The following CCDC102B variants were observed in gnomAD, a reference collection of about 807,000 sequenced individuals.
CCDC102B encodes the protein coiled-coil domain-containing protein 102B.
A neutral mutation model predicts 57.4 loss-of-function variants in CCDC102B; 75 were observed. The observed-to-expected ratio is 1.31, with a 90% CI of 1.08 to 1.58. The LOEUF (loss-of-function observed/expected upper bound fraction) is 1.58. Ranked by LOEUF, CCDC102B falls within the 40% of genes most tolerant of loss-of-function variation. The probability of loss-of-function intolerance (pLI) is 0.00; values close to 1 mark genes in which losing one functional copy is unlikely to be tolerated. For synonymous variants in CCDC102B, 206 were observed against 201.9 expected (o/e 1.02, Z -0.17); for missense variants, 636 against 582.6 (o/e 1.09, Z -0.94).
At chr18:68,977,309 A>G (rs2145279483) in intron 6 of CCDC102B, among the ~76,000 whole-genome samples, 1 of 152,136 alleles carries the variant, frequency 6.6e-6, no homozygotes, top group East Asian at 1.9e-4. Context: ...ATACAACTGC[A>G]GAACGTGCAG....
intron 6 of CCDC102B, among the ~76,000 whole-genome samples, chr18:68,954,872 T>G (rs990442554): frequency 2.6e-5 from 4 of 152,198 alleles, no homozygotes; most frequent in Admixed American, 1.3e-4. Flanking sequence ...CTTATGTACT[T>G]TTCAATATGA....
chr18:68,986,082 T>A (rs977137218), intron 6 of CCDC102B, among the ~76,000 whole-genome samples: 2 of 152,064 alleles, frequency 1.3e-5, no homozygotes, highest in Non-Finnish European at 2.9e-5. Flanking sequence ...CAAGAAAATT[T>A]AAAAAAACTG....
At chr18:69,047,562 TAAAACGCATCC>T (rs1482579554) in intron 7 of CCDC102B, among the ~76,000 whole-genome samples, 2 of 151,968 alleles carry the variant, frequency 1.3e-5, no homozygotes, top group African/African-American at 4.8e-5. Context: ...AAGAGAGAAA[TAAAACGCATCC>T]AAATTGGAAG....
intron 6 of CCDC102B, among the ~76,000 whole-genome samples, chr18:68,941,090 T>C (rs1391220323): frequency 1.3e-5 from 2 of 151,708 alleles, no homozygotes; most frequent in Non-Finnish European, 3.0e-5. Flanking sequence ...TTTATTTATT[T>C]TTTTTGCATA....
At chr18:68,928,754 T>TTTTAATTAAC (rs1439561862) in intron 6 of CCDC102B, among the ~76,000 whole-genome samples, 1 of 151,956 alleles carries the variant, frequency 6.6e-6, no homozygotes, top group African/African-American at 2.4e-5. Context: ...AGGGTAAATT[T>TTTTAATTAAC]TTTAATTAAC....
chr18:68,876,513 C>G (rs2039455779), intron 5 of CCDC102B, among the ~76,000 whole-genome samples: 1 of 152,280 alleles, frequency 6.6e-6, no homozygotes, highest in South Asian at 2.1e-4. Context: ...CCGGGGTCAT[C>G]ATAATTTAAT....
At chr18:68,996,044 A>G (rs1003821582) in intron 6 of CCDC102B, among the ~76,000 whole-genome samples, 7 of 152,186 alleles carry the variant, frequency 4.6e-5, no homozygotes, top group African/African-American at 1.7e-4. Context: ...GATGGTTAAT[A>G]TTGAGTGTCA....
chr18:68,911,751 C>CAAAAAAAAAAAAAAAAAA (rs74175338), intron 6 of CCDC102B, among the ~76,000 whole-genome samples: 5 of 18,008 alleles, frequency 2.8e-4, no homozygotes, highest in Non-Finnish European at 4.7e-4. Flanking sequence ...GACTCCGTCT[C>CAAAAAAAAAAAAAAAAAA]AAAAAAAAAA....
At chr18:68,820,769 G>C (rs547438095) in intron 1 of CCDC102B, among the ~76,000 whole-genome samples, 1 of 152,234 alleles carries the variant, frequency 6.6e-6, no homozygotes, top group South Asian at 2.1e-4. Context: ...CCCTGCAGAT[G>C]GAATGGTGAG....
At chr18:68,719,186 C>A (rs1020242220) in intron 2 of CCDC102B, among the ~76,000 whole-genome samples, 4 of 152,082 alleles carry the variant, frequency 2.6e-5, no homozygotes, top group Non-Finnish European at 4.4e-5. Context: ...AAAAATGAGA[C>A]CCTATTGATT....
chr18:68,861,324 A>G (rs1157758387), intron 4 of CCDC102B, among the ~76,000 whole-genome samples: 3 of 151,212 alleles, frequency 2.0e-5, no homozygotes, highest in Non-Finnish European at 4.4e-5. Context: ...ACTATGTATC[A>G]TATTTTTCTA....
At chr18:69,007,307 A>C (rs1041919770) in intron 6 of CCDC102B, among the ~76,000 whole-genome samples, 12 of 152,178 alleles carry the variant, frequency 7.9e-5, no homozygotes, top group African/African-American at 2.9e-4. Context: ...TTCTCACATA[A>C]CAAAAAATAC....
chr18:69,038,905 C>T (rs2052361402), intron 7 of CCDC102B, among the ~76,000 whole-genome samples: 1 of 151,974 alleles, frequency 6.6e-6, no homozygotes, highest in Admixed American at 6.6e-5. Flanking sequence ...AAATCTTAAA[C>T]ATTATCGAGT....
chr18:68,970,326 T>C (rs547259033), intron 6 of CCDC102B, among the ~76,000 whole-genome samples: 45 of 152,146 alleles, frequency 3.0e-4, no homozygotes, highest in African/African-American at 1.0e-3. Flanking sequence ...AAGAACTACA[T>C]TGAATTAGAA....
intron 5 of CCDC102B, among the ~76,000 whole-genome samples, chr18:68,879,453 G>A (rs1030806939): frequency 6.6e-6 from 1 of 152,240 alleles, no homozygotes; most frequent in African/African-American, 2.4e-5. Context: ...CTGATTGGTA[G>A]AGTCCAGTGG....
At chr18:68,931,804 T>C (rs2145141482) in intron 6 of CCDC102B, among the ~76,000 whole-genome samples, 1 of 151,958 alleles carries the variant, frequency 6.6e-6, no homozygotes, top group African/African-American at 2.4e-5. Context: ...CCCATATCCA[T>C]TGGCTAAAAC....
At position 68,995,423 on chromosome 18, in the gene CCDC102B, G is replaced by A. The variant is rs374625205; in HGVS notation, c.1264-15511G>A. The stretch of plus-strand genomic sequence containing the variant: ...TTAGGTCGGCTTAGGAGGAAAAAAC[G>A]GTTTCCTGGGCCAAGCCCAGAGGCT... On this transcript the variant is annotated intron_variant, in intron 6 of 7. Coordinates refer to ENST00000360242, the MANE Select transcript of CCDC102B (RefSeq NM_024781.3). 9.2e-5 allele frequency among the ~76,000 whole-genome samples: 14 copies of A among 152,220 alleles called. No homozygotes were observed. The East Asian group carries it at 2.1e-3, about 23-fold the overall frequency.
chr18:69,006,585 C>CTTTTTTTTTTTTTTTTTTT (rs200615759), intron 6 of CCDC102B, among the ~76,000 whole-genome samples: 1 of 134,270 alleles, frequency 7.4e-6, no homozygotes, highest in African/African-American at 3.1e-5. Context: ...CCACACAGGG[C>CTTTTTTTTTTTTTTTTTTT]TTTTTTTTTT....
At chr18:68,986,445 C>T (rs748321224) in intron 6 of CCDC102B, among the ~76,000 whole-genome samples, 1 of 152,080 alleles carries the variant, frequency 6.6e-6, no homozygotes, top group Non-Finnish European at 1.5e-5. Flanking sequence ...ATCCAACATC[C>T]TTTCATGATA....
Sources: allele counts gnomAD v4.1 joint callset (sites outside exome capture counted in the v4.1 genomes callset), GRCh38; gene constraint gnomAD v4.1.1; transcripts MANE v1.5; gene names NCBI Gene and HGNC (gene_info 2026-07-23, HGNC 2026-07-21).